The following ZFAND4 variants were observed in gnomAD, a reference collection of about 807,000 sequenced individuals.
ZFAND4 encodes the protein AN1-type zinc finger protein 4.
Under a neutral mutation model 64.4 loss-of-function variants are expected in ZFAND4, and 43 were observed. That is an observed-to-expected ratio of 0.67 (90% CI 0.52 to 0.86). ZFAND4 has a LOEUF of 0.86. Among genes scored for constraint, ZFAND4 ranks in the 40% least tolerant of loss-of-function variants. ZFAND4 has a pLI of 0.00. For missense variants in ZFAND4, 929 were observed against 859.8 expected (o/e 1.08, Z -1.01); for synonymous variants, 296 against 305.7 (o/e 0.97, Z 0.33).
chr10:45,637,274 G>T (rs915958464), intron 6 of ZFAND4, among the ~76,000 whole-genome samples: 2 of 150,014 alleles, frequency 1.3e-5, no homozygotes, highest in Non-Finnish European at 1.5e-5. Flanking sequence ...CAAGGAGGTG[G>T]AGGTTGCAGT....
chr10:45,666,474 T>C (rs1456886954), intron 1 of ZFAND4, among the ~76,000 whole-genome samples: 4 of 152,204 alleles, frequency 2.6e-5, no homozygotes, highest in African/African-American at 9.6e-5. Flanking sequence ...GAATGGTAAA[T>C]ATTTTCTCTC....
chr10:45,620,211 C>T (rs1438762576), intron 8 of ZFAND4, among the ~76,000 whole-genome samples: 3 of 151,958 alleles, frequency 2.0e-5, no homozygotes, highest in Non-Finnish European at 2.9e-5. Flanking sequence ...AGGCTGGGCG[C>T]GGTGGCTCAC....
chr10:45,618,530 G>T (rs1803918416), intron 8 of ZFAND4, among the ~76,000 whole-genome samples: 1 of 152,046 alleles, frequency 6.6e-6, no homozygotes, highest in Non-Finnish European at 1.5e-5. Flanking sequence ...TATTTCTAAT[G>T]GTAATCAGTT....
chr10:45,616,633 GA>G (rs2133480509), intron 9 of ZFAND4, 62 bp from the exon 10 acceptor site: 2 of 1,581,860 alleles, frequency 1.3e-6, no homozygotes, highest in South Asian at 2.3e-5. Flanking sequence ...ATCTGTCTGG[GA>G]GACAGGAGCT....
rs972464472 is a variant in ZFAND4, at chr10:45,651,516, GATGCAACCGGGGCC to G, written c.328+436_328+449del. 1.1e-5 allele frequency: 5 copies of G among 465,892 alleles called. No individual in the cohort carries two copies. In the Admixed American group the frequency reaches 1.2e-4, roughly 11 times the overall value. 28.9% of individuals were successfully genotyped at this position (465,892 alleles called of 1,614,324 possible). ...CAGAACTACTTATATTCTGAGAAAG[GATGCAACCGGGGCC>G]ATGATAATATCCATGAAACCCAGAC... On this transcript the variant is annotated intron_variant, in intron 4 of 9. Transcript: ENST00000344646.
Position 45,661,968 on chromosome 10 carries a change from T to C in ZFAND4, c.184+1574A>G, listed in dbSNP as rs535364117. 1.3e-3 allele frequency among the ~76,000 whole-genome samples: 190 copies of C among 151,324 alleles called. 1 individual carries two copies. The highest frequency in any genetic ancestry group is 4.2e-3 in the African/African-American group (175 of 41,284). On this transcript the variant is annotated intron_variant, in intron 2 of 9. Coordinates refer to ENST00000344646, the MANE Select transcript of ZFAND4 (RefSeq NM_174890.4). ...AAAAAAAAAAAAAAAAGATACTATGTTCTCTCTCTGCCATGTGAAAATGCA... is the reference window on the plus strand; with the variant it reads ...AAAAAAAAAAAAAAAAGATACTATGCTCTCTCTCTGCCATGTGAAAATGCA...
At chr10:45,658,475 A>G (rs1300655749) in intron 2 of ZFAND4, among the ~76,000 whole-genome samples, 6 of 152,224 alleles carry the variant, frequency 3.9e-5, no homozygotes, top group African/African-American at 1.4e-4. Flanking sequence ...CTTTGCTATG[A>G]CAGCCCTAGC....
chr10:45,670,564 C>G (rs560251037), intron 1 of ZFAND4, among the ~76,000 whole-genome samples: 2 of 152,178 alleles, frequency 1.3e-5, no homozygotes, highest in African/African-American at 2.4e-5. Flanking sequence ...ACAAACCTGA[C>G]AAAAACAAGA....
intron 9 of ZFAND4, among the ~76,000 whole-genome samples, chr10:45,617,253 C>T (rs1228151732): frequency 2.6e-5 from 4 of 152,050 alleles, no homozygotes; most frequent in Non-Finnish European, 2.9e-5. Context: ...TAAAACCTAA[C>T]TATGCCATGA....
At chr10:45,640,318 T>C (rs1301979949) in intron 5 of ZFAND4, 27 of 1,251,254 alleles carry the variant, frequency 2.2e-5, no homozygotes, top group Non-Finnish European at 2.8e-5. Flanking sequence ...CTGATAATTG[T>C]GCAACCCAGA....
rs2045665234 is a variant in ZFAND4 at position 45,624,606 on chromosome 10, T to C, written c.1904A>G (p.Asn635Ser). 1 of 1,613,992 alleles carries C rather than the reference T, an allele frequency of 6.2e-7. No individual in the cohort carries two copies. The highest frequency in any genetic ancestry group is 1.3e-5 in the African/African-American group (1 of 75,038). The change falls in exon 8 of 10, where the codon AAT becomes AGT. Residue 635 changes from asparagine (N) to serine (S), a missense_variant. By Grantham distance (46) the Asn-to-Ser change is conservative. Transcript: ENST00000344646. ...ACCTACGCTTTTCCCTGCTGCTGCA[T>C]TATTTCCATTCATTCCAACACCATG... ...STHGVGMNGN[N>S]AAAGKSVGEC... is the part of the protein sequence containing the mutation.
intron 6 of ZFAND4, among the ~76,000 whole-genome samples, chr10:45,631,627 A>G (rs1261627176): frequency 6.6e-6 from 1 of 152,190 alleles, no homozygotes; most frequent in East Asian, 1.9e-4. Flanking sequence ...AGCATAGCAG[A>G]GCAACATTTT....
intron 4 of ZFAND4, chr10:45,650,536 TA>T (rs1362720287): frequency 2.6e-5 from 4 of 151,244 alleles, no homozygotes; most frequent in African/African-American, 9.7e-5. Context: ...AAGTAAAAAA[TA>T]TATATATTTA....
At chr10:45,657,836 G>A (rs188945702) in intron 2 of ZFAND4, among the ~76,000 whole-genome samples, 2 of 152,238 alleles carry the variant, frequency 1.3e-5, no homozygotes, top group East Asian at 3.9e-4. Flanking sequence ...AGACTTAAGA[G>A]ACTATAAAGT....
At chr10:45,644,821 G>T (rs1284347909) in intron 5 of ZFAND4, among the ~76,000 whole-genome samples, 1 of 152,072 alleles carries the variant, frequency 6.6e-6, no homozygotes, top group Non-Finnish European at 1.5e-5. Flanking sequence ...TGAATAGTCT[G>T]CATGAAGCTA....
chr10:45,619,697 CT>C lies in ZFAND4; in HGVS notation c.1928-1438del, dbSNP rs748659092. Among the ~76,000 whole-genome samples the C allele has an allele frequency of 7.4e-3, 1,069 of 144,958 alleles. 8 individuals carry two copies. The highest frequency in any genetic ancestry group is 0.02 in the African/African-American group (789 of 40,016). On this transcript the variant is annotated intron_variant, in intron 8 of 9. Coordinates refer to ENST00000344646, the MANE Select transcript of ZFAND4 (RefSeq NM_174890.4). ...GATTTACAATTAATTGGTTCTATGTCTTTTTTTTTTTGTCACAACAGAGATT... is the reference window on the plus strand; with the variant it reads ...GATTTACAATTAATTGGTTCTATGTCTTTTTTTTTTGTCACAACAGAGATT...
At chr10:45,672,089 ACTGATACAT>A (rs2049236838) in intron 1 of ZFAND4, among the ~76,000 whole-genome samples, 152 bp downstream of exon 1, 1 of 152,204 alleles carries the variant, frequency 6.6e-6, no homozygotes, top group Non-Finnish European at 1.5e-5. Context: ...ATCTACATTT[ACTGATACAT>A]CAAAACATCC....
rs752582854 is a variant in ZFAND4 at position 45,626,582 on chromosome 10, C to A, written c.1241G>T (p.Ser414Ile). The change falls in exon 7 of 10, where the codon AGC (serine) becomes ATC (isoleucine). Residue 414 changes from serine (S) to isoleucine (I), a missense_variant. Coordinates refer to ENST00000344646, the MANE Select transcript of ZFAND4 (RefSeq NM_174890.4). ...FAEGNADEQS[S>I]GLEGACKVNL... The stretch of plus-strand genomic sequence containing the variant: ...CACTTTGCACGCACCTTCTAAGCCG[C>A]TGCTCTGTTCATCAGCATTTCCTTC... 1.3e-5 allele frequency: 21 copies of A among 1,614,202 alleles called. No individual in the cohort carries two copies. The highest frequency in any genetic ancestry group is 1.8e-5 in the Non-Finnish European group (21 of 1,180,044).
At chr10:45,655,922 T>G (rs1463203298) in intron 2 of ZFAND4, among the ~76,000 whole-genome samples, 1 of 152,144 alleles carries the variant, frequency 6.6e-6, no homozygotes, top group African/African-American at 2.4e-5. Context: ...ACAGACAAAT[T>G]CTACCAGACA....
Sources: gnomAD v4.1 joint callset for allele counts (sites outside exome capture counted in the v4.1 genomes callset) on GRCh38, gnomAD v4.1.1 for gene constraint, MANE v1.5 for transcripts, NCBI Gene and HGNC (gene_info 2026-07-23, HGNC 2026-07-21) for gene names.